Variants in ASTN1 observed in about 807,000 individuals in gnomAD.
The protein encoded by ASTN1 is astrotactin-1.
In ASTN1, 41 loss-of-function variants were observed where a neutral mutation model predicts 140.7. The observed-to-expected ratio is 0.29, with a 90% CI of 0.23 to 0.38. ASTN1 has a LOEUF of 0.38. ASTN1 is among the 10% of genes least tolerant of loss of function. The pLI is 1.00. For missense variants in ASTN1, 1,479 were observed against 1,678.8 expected (o/e 0.88, Z 2.08); for synonymous variants, 640 against 652.2 (o/e 0.98, Z 0.29).
At chr1:176,918,479 TGGC>T (rs1670588133) in intron 16 of ASTN1, among the ~76,000 whole-genome samples, 1 of 152,178 alleles carries the variant, frequency 6.6e-6, no homozygotes, top group Non-Finnish European at 1.5e-5. Context: ...TCCATCTCAT[TGGC>T]TCTGAAATTA....
chr1:176,982,660 G>A (rs1043974621), intron 8 of ASTN1, among the ~76,000 whole-genome samples: 3 of 152,142 alleles, frequency 2.0e-5, no homozygotes, highest in African/African-American at 7.2e-5. Context: ...AGAATCACCT[G>A]GAGAACTTTT....
At chr1:177,108,344 T>C (rs891983215) in intron 1 of ASTN1, among the ~76,000 whole-genome samples, 23 of 83,604 alleles carry the variant, frequency 2.8e-4, no homozygotes, top group Non-Finnish European at 2.4e-4. Context: ...CAAGACTCCG[T>C]CTCAAAAAAA....
In ASTN1 at chr1:177,088,240, G is replaced by A. The variant is rs189146416; in HGVS notation, c.284-26975C>T. Among the ~76,000 whole-genome samples, 177 of 152,276 alleles carry A rather than the reference G, an allele frequency of 1.2e-3. 1 individual carries two copies. The highest frequency in any genetic ancestry group is 4.0e-3 in the African/African-American group (166 of 41,572). On this transcript the variant is annotated intron_variant, in intron 1 of 22. Coordinates refer to ENST00000361833, the MANE Select transcript of ASTN1 (RefSeq NM_004319.3). ...GAATGGAAGATTTCCCACCTTACACGTGGGGATGCTTGCGTGCCTGTCGCC... is the reference window on the plus strand; with the variant it reads ...GAATGGAAGATTTCCCACCTTACACATGGGGATGCTTGCGTGCCTGTCGCC...
chr1:176,883,440 C>T (rs749637178), intron 19 of ASTN1, among the ~76,000 whole-genome samples: 5 of 152,124 alleles, frequency 3.3e-5, no homozygotes, highest in Non-Finnish European at 7.4e-5. Flanking sequence ...GTGATCCGCC[C>T]AGCTCGGCCT....
chr1:176,879,511 G>A (rs1351898758), intron 20 of ASTN1, among the ~76,000 whole-genome samples: 2 of 152,146 alleles, frequency 1.3e-5, no homozygotes, highest in African/African-American at 4.8e-5. Context: ...ACTATAATGA[G>A]AAACATCCTA....
At chr1:177,030,517 ATTTTTCACTTG>A (rs1432362311) in intron 4 of ASTN1, among the ~76,000 whole-genome samples, 1 of 152,192 alleles carries the variant, frequency 6.6e-6, no homozygotes, top group African/African-American at 2.4e-5. Context: ...GCTATTTCCA[ATTTTTCACTTG>A]TTTAAACAAT....
At chr1:176,912,720 G>A (rs915969791) in intron 16 of ASTN1, among the ~76,000 whole-genome samples, 1 of 152,156 alleles carries the variant, frequency 6.6e-6, no homozygotes, top group Non-Finnish European at 1.5e-5. Flanking sequence ...AAGGAACACA[G>A]GGGGATGGTG....
At chr1:177,119,957 A>G (rs1681295283) in intron 1 of ASTN1, among the ~76,000 whole-genome samples, 1 of 152,160 alleles carries the variant, frequency 6.6e-6, no homozygotes, top group Non-Finnish European at 1.5e-5. Context: ...CCCATATAGA[A>G]GCCAGGTGCC....
chr1:177,133,388 T>C (rs1301042062), intron 1 of ASTN1, among the ~76,000 whole-genome samples: 1 of 152,194 alleles, frequency 6.6e-6, no homozygotes, highest in Non-Finnish European at 1.5e-5. Flanking sequence ...CTTAAAAATA[T>C]TAGGTTTTTT....
At chr1:176,901,701 G>A (rs1294315410) in intron 16 of ASTN1, among the ~76,000 whole-genome samples, 1 of 152,168 alleles carries the variant, frequency 6.6e-6, no homozygotes, top group East Asian at 1.9e-4. Context: ...GTCTCAGTCT[G>A]CACACAAGGA....
chr1:176,935,462 T>C (rs1236704047), intron 15 of ASTN1, among the ~76,000 whole-genome samples: 1 of 152,190 alleles, frequency 6.6e-6, no homozygotes, highest in Admixed American at 6.5e-5. Context: ...CCTAATCACT[T>C]CTTGCCAAGA....
At chr1:176,940,374 A>G (rs911577334) in intron 14 of ASTN1, among the ~76,000 whole-genome samples, 1 of 152,176 alleles carries the variant, frequency 6.6e-6, no homozygotes, top group Non-Finnish European at 1.5e-5. Context: ...TTGACACCAA[A>G]CAACCCGGAC....
At chr1:177,050,129 A>G (rs1056589072) in intron 2 of ASTN1, among the ~76,000 whole-genome samples, 10 of 152,188 alleles carry the variant, frequency 6.6e-5, no homozygotes, top group Non-Finnish European at 1.0e-4. Flanking sequence ...ACTCTTACAA[A>G]TCCCAAGGGC....
chr1:177,143,382 T>A, intron 1 of ASTN1, among the ~76,000 whole-genome samples: 1 of 152,218 alleles, frequency 6.6e-6, no homozygotes, highest in African/African-American at 2.4e-5. Flanking sequence ...AGATTTGCTA[T>A]GGCCACGCGC....
chr1:176,968,039 T>G (rs951680075), intron 8 of ASTN1, among the ~76,000 whole-genome samples: 1 of 152,214 alleles, frequency 6.6e-6, no homozygotes, highest in Admixed American at 6.5e-5. Context: ...ACATGGATTC[T>G]GGAGTTAGCC....
At chr1:176,880,911 TTC>T (rs1185137491) in intron 20 of ASTN1, among the ~76,000 whole-genome samples, 1 of 152,208 alleles carries the variant, frequency 6.6e-6, no homozygotes, top group East Asian at 1.9e-4. Context: ...TCAGAGGGGA[TTC>T]TCAGAGTCAG....
chr1:176,882,997 G>T lies in ASTN1; in HGVS notation c.3227-3C>A, dbSNP rs201456989. 23 of 1,614,064 alleles carry T rather than the reference G, an allele frequency of 1.4e-5. No homozygotes were observed. The East Asian group carries it at 3.8e-4, about 27-fold the overall frequency. ...GTCCACAAAGCTCAGCACTGTTTCTGCCCAGAGGAGAAGGAATGGAAAAAG... is the reference window on the plus strand; with the variant it reads ...GTCCACAAAGCTCAGCACTGTTTCTTCCCAGAGGAGAAGGAATGGAAAAAG... On this transcript the variant is annotated splice_polypyrimidine_tract_variant and splice_region_variant and intron_variant, in intron 19 of 22. Coordinates refer to ENST00000361833, the MANE Select transcript of ASTN1 (RefSeq NM_004319.3).
At chr1:177,025,025 C>T (rs1676037553) in intron 5 of ASTN1, among the ~76,000 whole-genome samples, 1 of 152,182 alleles carries the variant, frequency 6.6e-6, no homozygotes, top group African/African-American at 2.4e-5. Context: ...ATAGAGGGGG[C>T]ATTCTCTTCC....
At chr1:176,921,865 G>T (rs1478361105) in intron 16 of ASTN1, among the ~76,000 whole-genome samples, 1 of 152,196 alleles carries the variant, frequency 6.6e-6, no homozygotes, top group Admixed American at 6.5e-5. Context: ...GGTTGCAGGG[G>T]AGGGTGTTTG....
Sources: allele counts gnomAD v4.1 joint callset (sites outside exome capture counted in the v4.1 genomes callset), GRCh38; gene constraint gnomAD v4.1.1; transcripts MANE v1.5; gene names NCBI Gene and HGNC (gene_info 2026-07-23, HGNC 2026-07-21).